Variants in SLC9C1 observed in about 807,000 individuals in gnomAD.
SLC9C1 encodes the protein solute carrier family 9 member C1.
Under a neutral mutation model 140.9 loss-of-function variants are expected in SLC9C1, and 97 were observed. The ratio of observed to expected loss-of-function variants is 0.69; its 90% CI spans 0.58 to 0.82. SLC9C1 has a LOEUF of 0.82. SLC9C1 is among the 40% of genes least tolerant of loss of function. The pLI, the probability that SLC9C1 is intolerant of heterozygous loss-of-function variation, is 0.00. For missense variants in SLC9C1, 1,340 were observed against 1,389.3 expected (o/e 0.96, Z 0.56); for synonymous variants, 440 against 442.6 (o/e 0.99, Z 0.07).
intron 15 of SLC9C1, among the ~76,000 whole-genome samples, chr3:112,214,102 G>T (rs1289086230): frequency 6.6e-6 from 1 of 152,122 alleles, no homozygotes; most frequent in Non-Finnish European, 1.5e-5. Flanking sequence ...CAGCTGCTGA[G>T]TGACTACTGG....
At chr3:112,166,047 G>A (rs77598532) in intron 26 of SLC9C1, among the ~76,000 whole-genome samples, 8,240 of 125,664 alleles carry the variant, frequency 0.066, 269 homozygotes, top group South Asian at 0.12. Flanking sequence ...GTGAGGCTCC[G>A]TGGTCGTAGG....
intron 13 of SLC9C1, among the ~76,000 whole-genome samples, chr3:112,223,963 C>G (rs962188388): frequency 2.0e-5 from 3 of 152,210 alleles, no homozygotes; most frequent in Non-Finnish European, 2.9e-5. Context: ...GAGCTGCTGG[C>G]TAACCAGCCC....
At chr3:112,215,139 G>A (rs1026942264) in intron 15 of SLC9C1, among the ~76,000 whole-genome samples, 4 of 151,248 alleles carry the variant, frequency 2.6e-5, no homozygotes, top group African/African-American at 9.7e-5. Context: ...TGCAGAAAAG[G>A]CCTTCAACAA....
In SLC9C1 at chr3:112,231,411, T is replaced by G. The variant is rs751878905; in HGVS notation, c.1522A>C (p.Asn508His). ...TTGGCCAGCTCCATTGCTTCAGTGT[T>G]AAAGATCTCATCTATTTCCTTGTTA... is the stretch of plus-strand genomic sequence containing the variant. ...HCNKEIDEIF[N>H]TEAMELANRR... The change falls in exon 13 of 29, where the codon AAC (asparagine) becomes CAC (histidine). Residue 508 changes from asparagine to histidine, a missense_variant. Coordinates refer to ENST00000305815, the MANE Select transcript of SLC9C1 (RefSeq NM_183061.3). The G allele has an allele frequency of 3.7e-6, 6 of 1,613,316 alleles. No homozygotes were observed. The Admixed American group carries it at 6.7e-5, about 18-fold the overall frequency.
intron 17 of SLC9C1, 111 bp downstream of exon 17, chr3:112,204,107 A>AATAATGTT: frequency 8.6e-7 from 1 of 1,163,866 alleles, no homozygotes; most frequent in South Asian, 3.0e-5. Flanking sequence ...TAAAATATAA[A>AATAATGTT]CATTAACCCA....
chr3:112,181,674 A>T (rs1257097946), intron 21 of SLC9C1, among the ~76,000 whole-genome samples: 4 of 152,234 alleles, frequency 2.6e-5, no homozygotes, highest in African/African-American at 9.6e-5. Flanking sequence ...GGTCCTCTGA[A>T]AACAATATAG....
In SLC9C1 at chr3:112,231,470, G is replaced by T; in HGVS notation, c.1463C>A (p.Thr488Lys). 6.2e-7 allele frequency: 1 copy of T among 1,610,992 alleles called. No homozygotes were observed. The change falls in exon 13 of 29, where the codon ACA (threonine) becomes AAA (lysine). Residue 488 changes from threonine to lysine, a missense_variant. By Grantham distance (78) the Thr-to-Lys change is moderately conservative. Coordinates refer to ENST00000305815, the MANE Select transcript of SLC9C1 (RefSeq NM_183061.3). ...ACATTTCACCTTCTGATGTTCTGTT[G>T]TTTCTTCTTCGTTCAACTAAATAAA... Reference protein sequence around the residue: ...ENPYMLNEEETTEHQKVKCPH... With the variant: ...ENPYMLNEEEKTEHQKVKCPH...
intron 16 of SLC9C1, among the ~76,000 whole-genome samples, chr3:112,204,711 G>A (rs1027803451): frequency 9.2e-5 from 14 of 151,996 alleles, no homozygotes; most frequent in African/African-American, 3.1e-4. Flanking sequence ...AATGTAGTAC[G>A]CCAGGGTGTT....
intron 2 of SLC9C1, among the ~76,000 whole-genome samples, chr3:112,284,542 C>T (rs909217024): frequency 1.2e-4 from 19 of 152,194 alleles, no homozygotes; most frequent in African/African-American, 4.1e-4. Context: ...GGAATGTTAA[C>T]GCTGCTGCTG....
At chr3:112,143,333 G>T (rs1173228100) in intron 28 of SLC9C1, among the ~76,000 whole-genome samples, 2 of 152,054 alleles carry the variant, frequency 1.3e-5, no homozygotes, top group Admixed American at 1.3e-4. Flanking sequence ...GTTCATAGTG[G>T]CTGAACTAGT....
At chr3:112,167,150 C>T in intron 26 of SLC9C1, 71 bp downstream of exon 26, 7 of 1,538,844 alleles carry the variant, frequency 4.5e-6, no homozygotes, top group Non-Finnish European at 6.2e-6. Context: ...ACAACAGTTT[C>T]CAAATACACA....
At chr3:112,167,141 C>T (rs1372415937) in intron 26 of SLC9C1, 80 bp downstream of exon 26, 9 of 1,516,388 alleles carry the variant, frequency 5.9e-6, no homozygotes, top group Non-Finnish European at 8.0e-6. Flanking sequence ...AGAATGCAAA[C>T]AACAGTTTCC....
intron 16 of SLC9C1, among the ~76,000 whole-genome samples, chr3:112,206,409 A>G (rs1422392033): frequency 6.6e-6 from 1 of 152,176 alleles, no homozygotes; most frequent in African/African-American, 2.4e-5. Context: ...AGTAGAAACT[A>G]GTTCAACCAT....
intron 9 of SLC9C1, 74 bp downstream of exon 9, chr3:112,264,126 T>C: frequency 1.4e-6 from 1 of 705,656 alleles, no homozygotes; most frequent in Non-Finnish European, 2.0e-6. Context: ...TACGAAATCT[T>C]TGTGTTATTT....
rs1038204443 is a variant in SLC9C1 at position 112,152,070 on chromosome 3, A to G, written c.3418-107T>C. The G allele has an allele frequency of 1.8e-5, 14 of 799,500 alleles. No individual in the cohort carries two copies. In the African/African-American group the frequency reaches 2.3e-4, roughly 13 times the overall value. The allele number at this position is 799,500 out of a possible 1,614,324, so 49.5% of individuals were successfully genotyped here. A position where few individuals can be genotyped will look rare whatever the true frequency, so the allele number is the denominator to read the frequency against. ...CTCGCAAGGTGGAGATGAGAGACTGAGAAAAGAAATAAGACACAGAGAAAA... is the reference window on the plus strand; with the variant it reads ...CTCGCAAGGTGGAGATGAGAGACTGGGAAAAGAAATAAGACACAGAGAAAA... On this transcript the variant is annotated intron_variant, in intron 27 of 28. Transcript: ENST00000305815.
intron 1 of SLC9C1, among the ~76,000 whole-genome samples, chr3:112,289,441 G>C (rs1444226835): frequency 2.0e-5 from 3 of 152,222 alleles, no homozygotes; most frequent in Non-Finnish European, 4.4e-5. Context: ...AAGGAGGGTA[G>C]ACTAGAGCTA....
At chr3:112,277,011 T>C (rs9827371) in intron 5 of SLC9C1, among the ~76,000 whole-genome samples, 43,682 of 152,022 alleles carry the variant, frequency 0.29, 6,420 homozygotes, top group Admixed American at 0.34. Context: ...CGTGTGTGTG[T>C]GCAAATGTGT....
chr3:112,232,735 G>A (rs370105114), intron 12 of SLC9C1, among the ~76,000 whole-genome samples: 2 of 151,986 alleles, frequency 1.3e-5, no homozygotes, highest in South Asian at 2.1e-4. Flanking sequence ...GAAGACCCCA[G>A]GACAACTTTT....
At chr3:112,196,118 GA>G (rs1427455294) in intron 20 of SLC9C1, among the ~76,000 whole-genome samples, 2 of 151,606 alleles carry the variant, frequency 1.3e-5, no homozygotes, top group African/African-American at 4.8e-5. Flanking sequence ...TGTTTATCTG[GA>G]AATGTCTCAA....
Sources: allele counts gnomAD v4.1 joint callset (sites outside exome capture counted in the v4.1 genomes callset), GRCh38; gene constraint gnomAD v4.1.1; transcripts MANE v1.5; gene names NCBI Gene and HGNC (gene_info 2026-07-23, HGNC 2026-07-21).